Variants in AXIN1 observed in about 807,000 individuals in gnomAD.
AXIN1 encodes axin 1.
A neutral mutation model predicts 76.4 loss-of-function variants in AXIN1; 30 were observed. The ratio of observed to expected loss-of-function variants is 0.39; its 90% CI spans 0.29 to 0.53. The LOEUF (loss-of-function observed/expected upper bound fraction) is 0.53, where lower values mean the gene tolerates loss of function less well. Among genes scored for constraint, AXIN1 ranks in the 20% least tolerant of loss-of-function variants. The pLI, the probability that AXIN1 is intolerant of heterozygous loss-of-function variation, is 0.66. For missense variants in AXIN1, 1,140 were observed against 1,198.8 expected, an observed-to-expected ratio of 0.95 and a Z score of 0.72; for synonymous variants, 545 against 501.4, an observed-to-expected ratio of 1.09 and a Z score of -1.16.
At position 334,217 on chromosome 16, in the gene AXIN1, A is replaced by G. The variant is rs572613277; in HGVS notation, c.878+11931T>C. 2.1e-5 allele frequency among the ~76,000 whole-genome samples: 3 copies of G among 146,238 alleles called. No homozygotes were observed. The South Asian group carries it at 6.8e-4, about 33-fold the overall frequency. On this transcript the variant is annotated intron_variant, in intron 2 of 10. Transcript: ENST00000262320. ...TACCATGGCATGCCAATAACACAGCACCCAGTACCATGGCACGCTAATTAC... is the reference window on the plus strand; with the variant it reads ...TACCATGGCATGCCAATAACACAGCGCCCAGTACCATGGCACGCTAATTAC...
intron 4 of AXIN1, among the ~76,000 whole-genome samples, chr16:306,789 C>T (rs1411275478): frequency 2.0e-5 from 3 of 152,182 alleles, no homozygotes; most frequent in South Asian, 4.1e-4. Context: ...GAGTCTGGGC[C>T]GTGCACAGCG....
At chr16:288,455 A>T (rs2052452022) in intron 10 of AXIN1, 5 of 725,144 alleles carry the variant, frequency 6.9e-6, no homozygotes, top group Non-Finnish European at 7.0e-6. Context: ...ATGGGGGGTG[A>T]GTTCACTGCC....
At chr16:318,106 G>A (rs74000511) in intron 2 of AXIN1, among the ~76,000 whole-genome samples, 9,073 of 152,280 alleles carry the variant, frequency 0.06, 878 homozygotes, top group African/African-American at 0.2. Flanking sequence ...CTGGAAGCAC[G>A]TGCCCTGCCC....
intron 2 of AXIN1, among the ~76,000 whole-genome samples, chr16:326,368 A>ATATAT (rs1555483785): frequency 1.1e-5 from 1 of 90,430 alleles, no homozygotes; most frequent in Non-Finnish European, 2.1e-5. Context: ...AAAAAAAAAA[A>ATATAT]AAAAATATAT....
intron 2 of AXIN1, among the ~76,000 whole-genome samples, chr16:324,442 C>T (rs1028937338): frequency 3.9e-5 from 6 of 152,144 alleles, no homozygotes; most frequent in African/African-American, 7.2e-5. Flanking sequence ...CGCGGTCCTC[C>T]GGGGAGGTTT....
At chr16:342,302 C>T (rs904633408) in intron 2 of AXIN1, among the ~76,000 whole-genome samples, 2 of 152,156 alleles carry the variant, frequency 1.3e-5, no homozygotes, top group Non-Finnish European at 2.9e-5. Context: ...CCGGACAGGC[C>T]GCCTTTAGGA....
chr16:347,111 T>C lies in AXIN1; in HGVS notation c.-81-5A>G. On this transcript the variant is annotated splice_polypyrimidine_tract_variant and splice_region_variant and intron_variant, in intron 1 of 10. Coordinates refer to ENST00000262320, the MANE Select transcript of AXIN1 (RefSeq NM_003502.4). ...TCCAAAGTGAATCAATCTGTCCTGT[T>C]GAAACCATTAAGAGGACAAGGATTA... 6.2e-7 allele frequency: 1 copy of C among 1,608,178 alleles called. No homozygotes were observed. The highest frequency in any genetic ancestry group is 8.5e-7 in the Non-Finnish European group (1 of 1,179,542).
intron 4 of AXIN1, among the ~76,000 whole-genome samples, chr16:305,125 C>G (rs564046877): frequency 2.0e-5 from 3 of 152,192 alleles, no homozygotes; most frequent in Non-Finnish European, 4.4e-5. Flanking sequence ...GGAAGGACGC[C>G]CAGGATTTGG....
intron 2 of AXIN1, among the ~76,000 whole-genome samples, chr16:329,699 C>CT (rs2053655032): frequency 6.6e-6 from 1 of 151,642 alleles, no homozygotes; most frequent in East Asian, 1.9e-4. Flanking sequence ...TCTTGGCTCA[C>CT]TGCAAGCTCC....
rs756820686 is a variant in AXIN1 at position 297,919 on chromosome 16, C to G, written c.1587G>C (p.Leu529=). The change falls in exon 6 of 11, where the codon CTG becomes CTC. Residue 529 remains leucine, a synonymous_variant. Transcript: ENST00000262320. Reference sequence around the variant, plus strand: ...GGTGGTGGACGTGTCGGTGGTGGTGCAGGCCGGCCGCGTCCAGCTTCGCCC... The same window carrying G: ...GGTGGTGGACGTGTCGGTGGTGGTGGAGGCCGGCCGCGTCCAGCTTCGCCC... ...KSGAKLDAAG[L]HHHRHVHHHV... The G allele has an allele frequency of 6.3e-7, 1 of 1,597,322 alleles. No homozygotes were observed. The highest frequency in any genetic ancestry group is 8.5e-7 in the Non-Finnish European group (1 of 1,171,502).
Position 352,384 on chromosome 16 carries a change from G to A in AXIN1, c.-97C>T. ...CCCTACTCACCCGCGCGCGGTGGTGGCGGGACCCCGGGCCCGGCTCCCGGA... is the reference window on the plus strand; with the variant it reads ...CCCTACTCACCCGCGCGCGGTGGTGACGGGACCCCGGGCCCGGCTCCCGGA... On this transcript the variant is annotated 5_prime_UTR_variant, in exon 1 of 11. Transcript: ENST00000262320. The A allele has an allele frequency of 9.2e-6, 9 of 975,284 alleles. No homozygotes were observed. Among genetic ancestry groups the A allele is most frequent in the Non-Finnish European group, 1.1e-5 (9 of 825,352 alleles). 60.4% of individuals were successfully genotyped at this position (975,284 alleles called of 1,614,324 possible).
chr16:346,031 C>T, intron 2 of AXIN1, 117 bp downstream of exon 2: 1 of 990,268 alleles, frequency 1.0e-6, no homozygotes, highest in East Asian at 2.6e-5. Flanking sequence ...AATTCAACCC[C>T]AGCGGCAGCA....
rs1273668104 is a variant in AXIN1 at position 309,938 on chromosome 16, G to T, written c.1116+35C>A. Reference sequence around the variant, plus strand: ...CACCAGGCCCACGCTGAGCGGGGAGGACGATGGGCTGAGGACCGCAAAGCC... The same window carrying T: ...CACCAGGCCCACGCTGAGCGGGGAGTACGATGGGCTGAGGACCGCAAAGCC... On this transcript the variant is annotated intron_variant, in intron 4 of 10. Coordinates refer to ENST00000262320, the MANE Select transcript of AXIN1 (RefSeq NM_003502.4). 1.9e-6 allele frequency: 3 copies of T among 1,604,088 alleles called. No individual in the cohort carries two copies. The African/African-American group carries it at 4.0e-5, about 21-fold the overall frequency.
chr16:321,060 A>G (rs1050559479), intron 2 of AXIN1, among the ~76,000 whole-genome samples: 19 of 152,248 alleles, frequency 1.2e-4, no homozygotes, highest in African/African-American at 4.6e-4. Flanking sequence ...TCATGCCAAA[A>G]GACCACCTGG....
At chr16:310,209 C>A in intron 3 of AXIN1, 140 bp from the exon 4 acceptor site, 1 of 735,564 alleles carries the variant, frequency 1.4e-6, no homozygotes. Flanking sequence ...GAGACACGTG[C>A]ACACAGGTGA....
At chr16:323,450 AAAAG>A (rs1391707918) in intron 2 of AXIN1, among the ~76,000 whole-genome samples, 4 of 150,212 alleles carry the variant, frequency 2.7e-5, no homozygotes, top group African/African-American at 7.4e-5. Flanking sequence ...AAAAAAAAAA[AAAAG>A]AAAGAAAAAA....
chr16:346,687 G>A lies in AXIN1; in HGVS notation c.339C>T (p.Asp113=), dbSNP rs2141705865. Residue 113 remains aspartate, a synonymous_variant, in exon 2 of 11, where the codon GAC becomes GAT. Transcript: ENST00000262320. ...TGCAGGCAAACCAGAAGTCCAGCAA[G>A]TCGGCACAGCCCTCCTGCTTCAGGA... ...RTFLKQEGCA[D]LLDFWFACTG... The A allele has an allele frequency of 6.4e-7, 1 of 1,568,946 alleles. No individual in the cohort carries two copies. The highest frequency in any genetic ancestry group is 1.2e-5 in the South Asian group (1 of 82,826).
At chr16:344,788 C>T (rs2054001671) in intron 2 of AXIN1, among the ~76,000 whole-genome samples, 1 of 152,202 alleles carries the variant, frequency 6.6e-6, no homozygotes, top group Admixed American at 6.5e-5. Flanking sequence ...TGCGCCCAGT[C>T]GACAGTCCAT....
At position 289,495 on chromosome 16, in the gene AXIN1, G is replaced by A. The variant is rs151104297; in HGVS notation, c.2407C>T (p.Arg803Cys). Residue 803 changes from arginine (R) to cysteine (C), a missense_variant, in exon 10 of 11, where the codon CGC becomes TGC. Transcript: ENST00000262320. The stretch of plus-strand genomic sequence containing the variant: ...TTGAACTGGCCCAGGGTGACAGCGC[G>A]GCCCCTCACCAGGGTGCGGTAGGGG... The part of the protein sequence containing the change: ...PIPYRTLVRG[R>C]AVTLGQFKEL... 53 of 1,612,826 alleles carry A rather than the reference G, an allele frequency of 3.3e-5. No homozygotes were observed. Among genetic ancestry groups the A allele is most frequent in the African/African-American group, 1.1e-4 (8 of 74,920 alleles).
Sources: gnomAD v4.1 joint callset for allele counts (sites outside exome capture counted in the v4.1 genomes callset) on GRCh38, gnomAD v4.1.1 for gene constraint, MANE v1.5 for transcripts, NCBI Gene and HGNC (gene_info 2026-07-23, HGNC 2026-07-21) for gene names.